Variants in CNOT1 observed in about 807,000 individuals in gnomAD.
CNOT1 encodes CCR4-NOT transcription complex subunit 1.
A neutral mutation model predicts 273.8 loss-of-function variants in CNOT1; 15 were observed. The observed-to-expected ratio is 0.05, with a 90% CI of 0.04 to 0.08. The LOEUF (loss-of-function observed/expected upper bound fraction) is 0.08, where lower values mean the gene tolerates loss of function less well. CNOT1 is among the 10% of genes least tolerant of loss of function. CNOT1 has a pLI of 1.00. For synonymous variants in CNOT1, 1,022 were observed against 1,005.5 expected, an observed-to-expected ratio of 1.02 and a Z score of -0.31; for missense variants, 1,644 against 2,912.2, an observed-to-expected ratio of 0.56 and a Z score of 10.02.
intron 8 of CNOT1, 122 bp from the exon 9 acceptor site, chr16:58,583,304 G>A: frequency 3.4e-6 from 5 of 1,481,990 alleles, no homozygotes; most frequent in East Asian, 2.4e-5. Context: ...AGGCAGAGCA[G>A]TAAGTGTTAT....
chr16:58,612,178 T>C (rs536177901), intron 1 of CNOT1, among the ~76,000 whole-genome samples: 1 of 152,276 alleles, frequency 6.6e-6, no homozygotes, highest in East Asian at 1.9e-4. Context: ...ACAGCACTGA[T>C]GCCAGCAATG....
rs1312922570 is a variant in CNOT1, at chr16:58,621,124, C to T, written c.-175+8604G>A. ...CCCCAGGCTCAGGTGATCCTCCCAC[C>T]TCAAGTTTTGTATTTTTAGCAGAGA... On this transcript the variant is annotated intron_variant, in intron 1 of 48. Transcript: ENST00000317147. Among the ~76,000 whole-genome samples, 12 of 151,966 alleles carry T rather than the reference C, an allele frequency of 7.9e-5. No individual in the cohort carries two copies. The South Asian group carries it at 1.7e-3, about 21-fold the overall frequency.
At chr16:58,552,506 C>G (rs561007474) in intron 22 of CNOT1, among the ~76,000 whole-genome samples, 3 of 152,106 alleles carry the variant, frequency 2.0e-5, no homozygotes, top group South Asian at 2.1e-4. Flanking sequence ...TGAGTGATCA[C>G]TCCCCTGCCA....
intron 30 of CNOT1, among the ~76,000 whole-genome samples, chr16:58,544,610 A>G (rs943891272): frequency 1.3e-5 from 2 of 152,214 alleles, no homozygotes; most frequent in Admixed American, 1.3e-4. Flanking sequence ...GGACAAGGAT[A>G]AAATGATTTC....
At chr16:58,597,356 T>C (rs1481380349) in intron 2 of CNOT1, among the ~76,000 whole-genome samples, 1 of 151,866 alleles carries the variant, frequency 6.6e-6, no homozygotes, top group African/African-American at 2.4e-5. Flanking sequence ...AAGCCTGTAA[T>C]CCCAGCTACT....
At chr16:58,554,320 G>A (rs1291539629) in intron 21 of CNOT1, among the ~76,000 whole-genome samples, 1 of 152,152 alleles carries the variant, frequency 6.6e-6, no homozygotes, top group Non-Finnish European at 1.5e-5. Flanking sequence ...ATCAGAGATT[G>A]GAAGTCAGGG....
At chr16:58,612,842 A>G (rs142717085) in intron 1 of CNOT1, among the ~76,000 whole-genome samples, 15 of 152,328 alleles carry the variant, frequency 9.8e-5, no homozygotes, top group African/African-American at 3.1e-4. Context: ...TTAAAATCTT[A>G]GTTATAACTA....
intron 29 of CNOT1, among the ~76,000 whole-genome samples, chr16:58,545,997 G>A (rs1212138424): frequency 1.4e-4 from 21 of 152,100 alleles, no homozygotes; most frequent in Non-Finnish European, 1.5e-5. Context: ...AGATTTGAGG[G>A]GTTAACAGGC....
Position 58,537,035 on chromosome 16 carries a change from G to A in CNOT1, c.5600C>T (p.Ala1867Val). 1 of 1,614,184 alleles carries A rather than the reference G, an allele frequency of 6.2e-7. No homozygotes were observed. The highest frequency in any genetic ancestry group is 8.5e-7 in the Non-Finnish European group (1 of 1,180,044). ...REWVNLYHSA[A>V]AGRDSTKAFS... Reference sequence around the variant, plus strand: ...AGCTTTGGTACTGTCGCGGCCAGCTGCTGCTGAATGGTAGAGATTCACCCA... The same window carrying A: ...AGCTTTGGTACTGTCGCGGCCAGCTACTGCTGAATGGTAGAGATTCACCCA... The change falls in exon 39 of 49, where the codon GCA (alanine) becomes GTA (valine). Residue 1867 changes from alanine to valine, a missense_variant. Around this residue, in one of 13 missense-constraint regions of CNOT1, gnomAD observed 133 missense variants for 328.2 expected, o/e 0.41. Transcript: ENST00000317147.
rs2039333989 is a variant in CNOT1 at position 58,520,515 on chromosome 16, A to C, written c.*443T>G. The C allele has an allele frequency of 5.9e-6, 1 of 169,610 alleles. No individual in the cohort carries two copies. Among genetic ancestry groups the C allele is most frequent in the African/African-American group, 2.4e-5 (1 of 41,940 alleles). 10.5% of individuals were successfully genotyped at this position (169,610 alleles called of 1,614,324 possible). A position where few individuals can be genotyped will look rare whatever the true frequency, so the allele number is the denominator to read the frequency against. The stretch of plus-strand genomic sequence containing the variant: ...GGTCCCCTGTCCACATTAAAAAAAT[A>C]AGTTACATAATATTCAAACTGGCTT... On this transcript the variant is annotated 3_prime_UTR_variant, in exon 49 of 49. Coordinates refer to ENST00000317147, the MANE Select transcript of CNOT1 (RefSeq NM_016284.5).
intron 42 of CNOT1, 38 bp from the exon 43 acceptor site, chr16:58,530,385 C>T: frequency 6.6e-7 from 1 of 1,505,136 alleles, no homozygotes; most frequent in South Asian, 1.2e-5. Context: ...TAATTATACT[C>T]AGCTGTTTTT....
At chr16:58,618,247 A>G (rs1319059687) in intron 1 of CNOT1, among the ~76,000 whole-genome samples, 12 of 151,924 alleles carry the variant, frequency 7.9e-5, no homozygotes, top group Admixed American at 7.9e-4. Flanking sequence ...GGCTGCATTG[A>G]GCTGTGGTCG....
At position 58,581,368 on chromosome 16, in the gene CNOT1, G is replaced by A; in HGVS notation, c.1192C>T (p.Pro398Ser). 6.2e-7 allele frequency: 1 copy of A among 1,611,128 alleles called. No individual in the cohort carries two copies. The highest frequency in any genetic ancestry group is 8.5e-7 in the Non-Finnish European group (1 of 1,179,126). Residue 398 changes from proline (P) to serine (S), a missense_variant, in exon 11 of 49, where the codon CCT becomes TCT. This residue lies in a region of CNOT1 where 706 missense variants were observed against 1,021.2 expected (regional missense o/e 0.69). Coordinates refer to ENST00000317147, the MANE Select transcript of CNOT1 (RefSeq NM_016284.5). ...ACCTGGCCTTCAGCATGTTTCCAAGGTCTATATATGAGGTCTACTGGGAAC... is the reference window on the plus strand; with the variant it reads ...ACCTGGCCTTCAGCATGTTTCCAAGATCTATATATGAGGTCTACTGGGAAC... ...EVFPVDLIYR[P>S]WKHAEGQLSF...
In CNOT1 at chr16:58,547,335, C is replaced by A. The variant is rs777111692; in HGVS notation, c.3640-39G>T. 2 of 1,608,528 alleles carry A rather than the reference C, an allele frequency of 1.2e-6. No individual in the cohort carries two copies. The highest frequency in any genetic ancestry group is 1.7e-5 in the Admixed American group (1 of 59,148). ...AATACTTTCAAAAGCGGGGAATATACCCCCCAAAATGGTATAACAAAACCA... is the reference window on the plus strand; with the variant it reads ...AATACTTTCAAAAGCGGGGAATATAACCCCCAAAATGGTATAACAAAACCA... On this transcript the variant is annotated intron_variant, in intron 26 of 48. Transcript: ENST00000317147. This position sits in a 1 kb window ranked among gnomAD's most constrained non-coding sequence, Gnocchi z 4.0.
At chr16:58,618,272 T>TA (rs924899733) in intron 1 of CNOT1, among the ~76,000 whole-genome samples, 116 of 145,282 alleles carry the variant, frequency 8.0e-4, no homozygotes, top group African/African-American at 8.8e-4. Context: ...ACTTTGTCTC[T>TA]AAAAAAAAAA....
intron 12 of CNOT1, among the ~76,000 whole-genome samples, chr16:58,579,441 T>C (rs1373349577): frequency 2.0e-5 from 3 of 152,202 alleles, no homozygotes; most frequent in Non-Finnish European, 1.5e-5. Context: ...TATTTGTTAA[T>C]GTGATAATGG....
chr16:58,581,910 G>A (rs986533906), intron 10 of CNOT1, among the ~76,000 whole-genome samples: 3 of 151,980 alleles, frequency 2.0e-5, no homozygotes, highest in Admixed American at 2.0e-4. Context: ...TGATCCACCT[G>A]CCTCGGCCTC....
At position 58,542,494 on chromosome 16, in the gene CNOT1, A is replaced by C; in HGVS notation, c.4509T>G (p.Ala1503=). The C allele has an allele frequency of 2.5e-6, 4 of 1,611,124 alleles. No homozygotes were observed. Among genetic ancestry groups the C allele is most frequent in the Non-Finnish European group, 3.4e-6 (4 of 1,179,410 alleles). Residue 1503 remains alanine (A), a synonymous_variant, in exon 32 of 49, where the codon GCT becomes GCG. Transcript: ENST00000317147. ...CTGCAGTCTTCTGAATAAAACAGCAAGCCAACTCACAATTGTCCTGAGCTA... is the reference window on the plus strand; with the variant it reads ...CTGCAGTCTTCTGAATAAAACAGCACGCCAACTCACAATTGTCCTGAGCTA... The part of the protein sequence containing the change: ...AQLAQDNCEL[A]CCFIQKTAVE...
rs1567396300 is a variant in CNOT1 at position 58,543,770 on chromosome 16, A to G, written c.4271T>C (p.Val1424Ala). ...CGAATCCAGGGCAAAATCCTTCCTG[A>G]CTATTTGCTCACAAGTAGTCATGGC... ...KIAMTTCEQI[V>A]RKDFALDSEE... The change falls in exon 31 of 49, where the codon GTC becomes GCC. Residue 1424 changes from valine to alanine, a missense_variant. Physicochemically the swap from Val to Ala is moderately conservative, Grantham distance 64. This residue lies in a region of CNOT1 where 133 missense variants were observed against 230.4 expected (regional missense o/e 0.58). Transcript: ENST00000317147. 6.2e-7 allele frequency: 1 copy of G among 1,614,054 alleles called. No individual in the cohort carries two copies. The highest frequency in any genetic ancestry group is 1.7e-5 in the Admixed American group (1 of 59,984).
Sources: allele counts gnomAD v4.1 joint callset (sites outside exome capture counted in the v4.1 genomes callset), GRCh38; gene constraint gnomAD v4.1.1; regional missense constraint gnomAD v4.1.1; non-coding constraint Gnocchi (gnomAD v3.1); transcripts MANE v1.5; gene names NCBI Gene and HGNC (gene_info 2026-07-23, HGNC 2026-07-21).